Variants in EXT1 observed in about 807,000 individuals in gnomAD.
The protein encoded by EXT1 is exostosin glycosyltransferase 1.
Under a neutral mutation model 82.5 loss-of-function variants are expected in EXT1, and 20 were observed. The observed-to-expected ratio is 0.24, with a 90% CI of 0.17 to 0.35. The LOEUF is 0.35. Ranked by LOEUF, EXT1 falls within the 10% of genes least tolerant of loss-of-function variation. The probability of loss-of-function intolerance (pLI) is 1.00; values close to 1 mark genes in which losing one functional copy is unlikely to be tolerated. For missense variants in EXT1, 757 were observed against 936.5 expected, an observed-to-expected ratio of 0.81 and a Z score of 2.50; for synonymous variants, 348 against 350.8, an observed-to-expected ratio of 0.99 and a Z score of 0.09.
At chr8:117,852,055 C>T (rs1036238252) in intron 1 of EXT1, among the ~76,000 whole-genome samples, 1 of 152,206 alleles carries the variant, frequency 6.6e-6, no homozygotes, top group South Asian at 2.1e-4. Context: ...TGGCCATTTG[C>T]TCTTCCAAAA....
At chr8:117,900,470 ATACAGC>A (rs1813421253) in intron 1 of EXT1, among the ~76,000 whole-genome samples, 6 of 152,206 alleles carry the variant, frequency 3.9e-5, no homozygotes, top group Non-Finnish European at 8.8e-5. Context: ...GAACGGTGGG[ATACAGC>A]ACAGAGCCTT....
At chr8:118,031,879 G>A (rs527279762) in intron 1 of EXT1, among the ~76,000 whole-genome samples, 1 of 151,992 alleles carries the variant, frequency 6.6e-6, no homozygotes, top group Admixed American at 6.6e-5. Context: ...ATGTCAGATT[G>A]ACAGCTTTTA....
chr8:118,083,394 A>G (rs1451502524), intron 1 of EXT1, among the ~76,000 whole-genome samples: 3 of 152,196 alleles, frequency 2.0e-5, no homozygotes, highest in Non-Finnish European at 2.9e-5. Flanking sequence ...TGTTATGAAT[A>G]TATCTTCTTC....
intron 1 of EXT1, among the ~76,000 whole-genome samples, chr8:117,898,813 C>G (rs1164598231): frequency 2.0e-5 from 3 of 149,776 alleles, no homozygotes; most frequent in African/African-American, 7.6e-5. Flanking sequence ...CTACTAAACC[C>G]AGACGGCAGG....
chr8:117,870,987 T>A (rs1180376196), intron 1 of EXT1, among the ~76,000 whole-genome samples: 1 of 152,104 alleles, frequency 6.6e-6, no homozygotes, highest in Non-Finnish European at 1.5e-5. Flanking sequence ...GAAAAAAGGT[T>A]AAAAGAGCAA....
intron 1 of EXT1, among the ~76,000 whole-genome samples, chr8:118,033,932 TAAC>T (rs1816376530): frequency 1.3e-5 from 2 of 152,174 alleles, no homozygotes; most frequent in Non-Finnish European, 2.9e-5. Flanking sequence ...ATAATTTTAA[TAAC>T]AAACTGTTAG....
At chr8:118,073,258 G>T (rs1006645896) in intron 1 of EXT1, among the ~76,000 whole-genome samples, 71 of 152,160 alleles carry the variant, frequency 4.7e-4, no homozygotes, top group African/African-American at 1.7e-3. Context: ...ACTAATTTTA[G>T]GTTACTCAAA....
At chr8:117,822,714 T>G in intron 4 of EXT1, 117 bp from the exon 5 acceptor site, 1 of 1,059,486 alleles carries the variant, frequency 9.4e-7, no homozygotes, top group East Asian at 2.4e-5. Flanking sequence ...CTACCCTCCC[T>G]CCCACTTTAA....
chr8:117,816,991 T>TGG (rs34190383), intron 7 of EXT1, among the ~76,000 whole-genome samples: 1 of 151,970 alleles, frequency 6.6e-6, no homozygotes, highest in African/African-American at 2.4e-5. Flanking sequence ...GGCTATTCTA[T>TGG]GGGGGGGATG....
intron 1 of EXT1, among the ~76,000 whole-genome samples, chr8:117,857,530 TC>T (rs941690784): frequency 7.1e-5 from 7 of 98,066 alleles, no homozygotes; most frequent in East Asian, 3.4e-4. Flanking sequence ...CGGCAAGACT[TC>T]CCCCCGCCAA....
intron 1 of EXT1, among the ~76,000 whole-genome samples, chr8:118,041,665 A>AGAAGGAAG (rs57360744): frequency 0.14 from 17,918 of 124,988 alleles, 1,508 homozygotes; most frequent in East Asian, 0.2. Context: ...AGAGAGAGAA[A>AGAAGGAAG]GAAGGAAGGA....
intron 1 of EXT1, among the ~76,000 whole-genome samples, chr8:118,040,185 T>C (rs927577289): frequency 6.6e-6 from 1 of 152,200 alleles, no homozygotes; most frequent in Admixed American, 6.5e-5. Context: ...CAAAAAAGCC[T>C]GCTGGCCTAA....
intron 1 of EXT1, among the ~76,000 whole-genome samples, chr8:117,990,509 C>G (rs898904757): frequency 2.0e-5 from 3 of 152,218 alleles, no homozygotes; most frequent in African/African-American, 7.2e-5. Flanking sequence ...CCTATGCCTT[C>G]CCTGACAGCA....
chr8:118,005,300 G>T (rs1285845670), intron 1 of EXT1, among the ~76,000 whole-genome samples: 1 of 152,112 alleles, frequency 6.6e-6, no homozygotes, highest in African/African-American at 2.4e-5. Flanking sequence ...AGCCCAAAGG[G>T]TACACATATA....
intron 1 of EXT1, among the ~76,000 whole-genome samples, chr8:117,941,317 A>G (rs1349212208): frequency 6.6e-6 from 1 of 152,222 alleles, no homozygotes; most frequent in Non-Finnish European, 1.5e-5. Context: ...CAGCCACTGG[A>G]CAGTTAGAGG....
At chr8:117,967,066 A>G (rs895685577) in intron 1 of EXT1, among the ~76,000 whole-genome samples, 3 of 152,246 alleles carry the variant, frequency 2.0e-5, no homozygotes, top group African/African-American at 7.2e-5. Context: ...CTTGTGTGGC[A>G]ATGATAATTA....
At chr8:117,927,080 A>G (rs3101575) in intron 1 of EXT1, among the ~76,000 whole-genome samples, 12,299 of 152,202 alleles carry the variant, frequency 0.081, 1,401 homozygotes, top group African/African-American at 0.25. Context: ...TGTCCCCTAC[A>G]TAAGAAAACC....
chr8:117,948,320 C>CAAAA (rs34394392), intron 1 of EXT1, among the ~76,000 whole-genome samples: 1,451 of 51,808 alleles, frequency 0.028, 102 homozygotes, highest in African/African-American at 0.079. Flanking sequence ...CTGCCCTTGC[C>CAAAA]AAAAAAAAAA....
chr8:118,107,995 G>A (rs887701855), intron 1 of EXT1, among the ~76,000 whole-genome samples: 4 of 152,112 alleles, frequency 2.6e-5, no homozygotes, highest in African/African-American at 9.7e-5. Context: ...ACCCAATCCT[G>A]AGGTCCTGAC....
Sources: gnomAD v4.1 joint callset for allele counts (sites outside exome capture counted in the v4.1 genomes callset) on GRCh38, gnomAD v4.1.1 for gene constraint, MANE v1.5 for transcripts, NCBI Gene and HGNC (gene_info 2026-07-23, HGNC 2026-07-21) for gene names.